GPC5: variants seen among roughly 807,000 people sequenced by gnomAD.
GPC5 encodes glypican-5.
A neutral mutation model predicts 53.9 loss-of-function variants in GPC5; 47 were observed. The observed-to-expected ratio is 0.87, with a 90% CI of 0.69 to 1.11. GPC5 has a LOEUF of 1.11. GPC5 is among the 50% of genes most tolerant of loss of function. The probability of loss-of-function intolerance (pLI) is 0.00; values close to 1 mark genes in which losing one functional copy is unlikely to be tolerated. For synonymous variants in GPC5, 286 were observed against 263.3 expected, an observed-to-expected ratio of 1.09 and a Z score of -0.84; for missense variants, 748 against 713.1, an observed-to-expected ratio of 1.05 and a Z score of -0.56.
At chr13:92,318,860 T>G (rs149935787) in intron 7 of GPC5, among the ~76,000 whole-genome samples, 1,623 of 152,194 alleles carry the variant, frequency 0.011, 32 homozygotes, top group African/African-American at 0.037. Flanking sequence ...TGTGGATTTT[T>G]GGGGGGGCTT....
At chr13:91,425,008 A>C (rs562939220) in intron 1 of GPC5, among the ~76,000 whole-genome samples, 29 of 152,216 alleles carry the variant, frequency 1.9e-4, no homozygotes, top group Admixed American at 1.2e-3. Flanking sequence ...TGCAGGTAGA[A>C]ATAGGGTAGC....
chr13:92,241,695 G>A (rs896439037), intron 7 of GPC5: 2 of 152,110 alleles, frequency 1.3e-5, no homozygotes, highest in Admixed American at 6.6e-5. Flanking sequence ...TCACCTTTCA[G>A]TGGAAAATAC....
chr13:92,341,886 T>C (rs1207761910), intron 7 of GPC5, among the ~76,000 whole-genome samples: 1 of 152,126 alleles, frequency 6.6e-6, no homozygotes, highest in African/African-American at 2.4e-5. Context: ...ATGTCAAATG[T>C]AAGGACAATA....
chr13:91,597,502 C>T (rs1162672317), intron 2 of GPC5, among the ~76,000 whole-genome samples: 2 of 152,132 alleles, frequency 1.3e-5, no homozygotes, highest in Non-Finnish European at 2.9e-5. Context: ...TATGTCAGCA[C>T]CTCAACTCAT....
rs142641943 is a variant in GPC5 at position 92,356,931 on chromosome 13, T to C, written c.1561+211942T>C. On this transcript the variant is annotated intron_variant, in intron 7 of 7. Coordinates refer to ENST00000377067, the MANE Select transcript of GPC5 (RefSeq NM_004466.6). ...GGTCTGTTATGTCCATGTATTCTCA[T>C]CGTTTAGTGACAGTTTACAAGTGAG... Among the ~76,000 whole-genome samples, 4 of 152,312 alleles carry C rather than the reference T, an allele frequency of 2.6e-5. No individual in the cohort carries two copies. In the East Asian group the frequency reaches 7.7e-4, roughly 29 times the overall value.
Position 92,257,546 on chromosome 13 carries a change from A to ATTTTTTTT in GPC5, c.1561+112571_1561+112578dup, listed in dbSNP as rs398023955. ...AGTGAGAGAGGTTTCTAATACAGGG[A>ATTTTTTTT]TTTTTTTTTTTTTTTTTTTTTGGGG... On this transcript the variant is annotated intron_variant, in intron 7 of 7. Transcript: ENST00000377067. 3.7e-4 allele frequency among the ~76,000 whole-genome samples: 27 copies of ATTTTTTTT among 72,942 alleles called. 7 individuals carry two copies. The highest frequency in any genetic ancestry group is 1.1e-3 in the South Asian group (2 of 1,762). 47.9% of individuals were successfully genotyped at this position (72,942 alleles called of 152,430 possible).
intron 5 of GPC5, among the ~76,000 whole-genome samples, chr13:91,835,751 G>A (rs2038717206): frequency 6.6e-6 from 1 of 152,000 alleles, no homozygotes; most frequent in South Asian, 2.1e-4. Flanking sequence ...GGGGGTGAGG[G>A]GAGGGATAGA....
At position 92,009,253 on chromosome 13, in the gene GPC5, C is replaced by CGTGTGTGTGTGTGTGTGT. The variant is rs3059952; in HGVS notation, c.1401+101211_1401+101228dup. 3.0e-3 allele frequency among the ~76,000 whole-genome samples: 421 copies of CGTGTGTGTGTGTGTGTGT among 139,810 alleles called. 4 individuals are homozygous for CGTGTGTGTGTGTGTGTGT. The highest frequency in any genetic ancestry group is 0.017 in the East Asian group (76 of 4,446). The allele number at this position is 139,810 out of a possible 152,430, so 91.7% of individuals were successfully genotyped here. ...TTTTATCTGTTGAGTGCTGGATTTTCGTGTGTGTGTGTGTGTGTGTGTGTG... is the reference window on the plus strand; with the variant it reads ...TTTTATCTGTTGAGTGCTGGATTTTCGTGTGTGTGTGTGTGTGTGTGTGTGTGTGTGTGTGTGTGTGTG... On this transcript the variant is annotated intron_variant, in intron 6 of 7. Coordinates refer to ENST00000377067, the MANE Select transcript of GPC5 (RefSeq NM_004466.6).
At chr13:92,441,172 A>G (rs1038670838) in intron 7 of GPC5, among the ~76,000 whole-genome samples, 2 of 152,140 alleles carry the variant, frequency 1.3e-5, no homozygotes, top group African/African-American at 4.8e-5. Context: ...CCTGGGTTCA[A>G]GCGATTCTCA....
chr13:91,666,918 A>G (rs1017410183), intron 2 of GPC5, among the ~76,000 whole-genome samples: 1 of 151,984 alleles, frequency 6.6e-6, no homozygotes, highest in Non-Finnish European at 1.5e-5. Context: ...TCTTTTTTTA[A>G]TTCACTTGAA....
intron 2 of GPC5, among the ~76,000 whole-genome samples, chr13:91,537,682 A>G (rs1393764284): frequency 6.6e-6 from 1 of 152,236 alleles, no homozygotes; most frequent in Non-Finnish European, 1.5e-5. Context: ...GGCCAATATT[A>G]CCCTGATACA....
intron 5 of GPC5, among the ~76,000 whole-genome samples, chr13:91,833,787 A>G (rs1387430091): frequency 3.3e-5 from 5 of 152,304 alleles, no homozygotes; most frequent in Admixed American, 2.6e-4. Flanking sequence ...AGCCAATATC[A>G]TACTGAATGG....
intron 1 of GPC5, among the ~76,000 whole-genome samples, chr13:91,414,448 G>A (rs760811036): frequency 3.3e-5 from 5 of 152,196 alleles, no homozygotes; most frequent in Non-Finnish European, 5.9e-5. Context: ...CTTTATAGCA[G>A]TATGAAAATT....
intron 7 of GPC5, among the ~76,000 whole-genome samples, chr13:92,551,947 T>C (rs1882331806): frequency 6.6e-6 from 1 of 151,904 alleles, no homozygotes. Context: ...CAGTTAGTAC[T>C]ACAAGATACT....
chr13:92,358,576 G>A (rs2043541537), intron 7 of GPC5, among the ~76,000 whole-genome samples: 2 of 151,704 alleles, frequency 1.3e-5, no homozygotes, highest in South Asian at 4.1e-4. Context: ...CTTCTGCCTG[G>A]ACATTCAGGC....
intron 2 of GPC5, among the ~76,000 whole-genome samples, chr13:91,623,687 A>C (rs1192114414): frequency 3.3e-5 from 5 of 152,150 alleles, no homozygotes; most frequent in Admixed American, 3.3e-4. Flanking sequence ...TGAATTTGGC[A>C]TTGGCAGGCT....
chr13:92,363,683 C>A (rs888485775), intron 7 of GPC5, among the ~76,000 whole-genome samples: 3 of 151,722 alleles, frequency 2.0e-5, no homozygotes, highest in African/African-American at 7.3e-5. Flanking sequence ...TTTGTACCTG[C>A]TTTAATAAAA....
chr13:92,166,737 T>C (rs796755350), intron 7 of GPC5, among the ~76,000 whole-genome samples: 11 of 152,278 alleles, frequency 7.2e-5, no homozygotes, highest in African/African-American at 2.4e-4. Context: ...AAGGGCTGTT[T>C]AACACTTGAG....
At chr13:91,755,744 T>A (rs1254727329) in intron 4 of GPC5, among the ~76,000 whole-genome samples, 1 of 152,078 alleles carries the variant, frequency 6.6e-6, no homozygotes, top group Non-Finnish European at 1.5e-5. Flanking sequence ...GGGTTTTGGG[T>A]CATATTTAGT....
Sources: gnomAD v4.1 joint callset for allele counts (sites outside exome capture counted in the v4.1 genomes callset) on GRCh38, gnomAD v4.1.1 for gene constraint, MANE v1.5 for transcripts, NCBI Gene and HGNC (gene_info 2026-07-23, HGNC 2026-07-21) for gene names.